B4GALT6: variants seen among roughly 807,000 people sequenced by gnomAD.
B4GALT6 encodes the protein UDP-Gal:beta-GlcNAc beta-1,4-galactosyltransferase 6.
Under a neutral mutation model 46.3 loss-of-function variants are expected in B4GALT6, and 14 were observed. The observed-to-expected ratio is 0.30, with a 90% CI of 0.20 to 0.47. B4GALT6 has a LOEUF of 0.47. Among genes scored for constraint, B4GALT6 ranks in the 20% least tolerant of loss-of-function variants. The probability of loss-of-function intolerance (pLI) is 0.99; values close to 1 mark genes in which losing one functional copy is unlikely to be tolerated. For missense variants in B4GALT6, 386 were observed against 480.1 expected (o/e 0.80, Z 1.83); for synonymous variants, 168 against 162.0 (o/e 1.04, Z -0.28).
At chr18:31,685,792 C>G (rs1257792188), upstream of B4GALT6, 4 of 152,340 alleles carry the variant, frequency 2.6e-5, no homozygotes, top group East Asian at 5.8e-4. Flanking sequence ...CCAAAATCCT[C>G]GAGGAACAAG....
intron 3 of B4GALT6, among the ~76,000 whole-genome samples, chr18:31,649,435 C>T (rs1257700859): frequency 1.3e-5 from 2 of 152,134 alleles, no homozygotes; most frequent in African/African-American, 4.8e-5. Flanking sequence ...TGCATTTCTA[C>T]TCCCTGGCTC....
intron 2 of B4GALT6, among the ~76,000 whole-genome samples, chr18:31,665,181 C>T (rs1306676373): frequency 2.0e-5 from 3 of 152,132 alleles, no homozygotes; most frequent in Non-Finnish European, 2.9e-5. Context: ...ATTACTAACA[C>T]AAATTAAATC....
chr18:31,661,349 A>C (rs1461963092), intron 2 of B4GALT6, among the ~76,000 whole-genome samples: 1 of 152,150 alleles, frequency 6.6e-6, no homozygotes, highest in Non-Finnish European at 1.5e-5. Flanking sequence ...ATACAGAATA[A>C]ATTGTTAGTT....
At chr18:31,629,467 T>TTA (rs1490139066) in intron 6 of B4GALT6, among the ~76,000 whole-genome samples, 6 of 136,696 alleles carry the variant, frequency 4.4e-5, no homozygotes, top group African/African-American at 1.7e-4. Context: ...TTTTTTTTTT[T>TTA]TTTTTTTTTT....
intron 5 of B4GALT6, 79 bp downstream of exon 5, chr18:31,638,565 C>A: frequency 8.4e-7 from 1 of 1,192,486 alleles, no homozygotes; most frequent in Non-Finnish European, 1.2e-6. Context: ...CCTTATTAAT[C>A]CTAAATATGT....
intron 3 of B4GALT6, 65 bp downstream of exon 3, chr18:31,657,911 T>G: frequency 7.8e-7 from 1 of 1,281,080 alleles, no homozygotes; most frequent in Non-Finnish European, 1.1e-6. Flanking sequence ...ACTCAAATCA[T>G]GTGGTTTTTA....
At chr18:31,638,951 G>C (rs555324779) in intron 4 of B4GALT6, among the ~76,000 whole-genome samples, 191 bp from the exon 5 acceptor site, 1 of 152,212 alleles carries the variant, frequency 6.6e-6, no homozygotes, top group African/African-American at 2.4e-5. Flanking sequence ...TTATAAAGCT[G>C]AGAGGTAGAA....
At position 31,629,897 on chromosome 18, in the gene B4GALT6, G is replaced by C. The variant is rs1431273947; in HGVS notation, c.776+1062C>G. ...GAGAACCAGATTGTGAACCTTGATG[G>C]CCTTCTTCAAGGTAACCCCATACTC... On this transcript the variant is annotated intron_variant, in intron 6 of 8. Transcript: ENST00000306851. Among the ~76,000 whole-genome samples the C allele has an allele frequency of 2.0e-5, 3 of 150,990 alleles. No homozygotes were observed. In the East Asian group the frequency reaches 5.8e-4, roughly 29 times the overall value.
chr18:31,635,402 G>T (rs1225339670), intron 5 of B4GALT6, among the ~76,000 whole-genome samples: 1 of 152,112 alleles, frequency 6.6e-6, no homozygotes, highest in East Asian at 1.9e-4. Flanking sequence ...ATTTCCACTT[G>T]TTAGGTAAAA....
chr18:31,724,545 G>C, the B4GALT6 span: 1 of 1,025,106 alleles, frequency 9.8e-7, no homozygotes, highest in South Asian at 3.8e-5. Flanking sequence ...GGAATCGACT[G>C]AGACTTTGGC....
chr18:31,626,591 T>C (rs1385420254), intron 7 of B4GALT6, among the ~76,000 whole-genome samples: 3 of 152,112 alleles, frequency 2.0e-5, no homozygotes, highest in African/African-American at 7.2e-5. Flanking sequence ...CCACCTCCTG[T>C]CGGATCAGCG....
At chr18:31,673,317 T>C (rs1184545613) in intron 1 of B4GALT6, among the ~76,000 whole-genome samples, 2 of 151,578 alleles carry the variant, frequency 1.3e-5, no homozygotes, top group African/African-American at 4.9e-5. Flanking sequence ...ATTGTGAGGA[T>C]GAGACATAAC....
intron 3 of B4GALT6, 46 bp downstream of exon 3, chr18:31,657,930 T>C (rs1264056006): frequency 2.7e-6 from 4 of 1,487,180 alleles, no homozygotes; most frequent in African/African-American, 1.4e-5. Context: ...TATGACTGTA[T>C]TGTAACACAA....
intron 5 of B4GALT6, 54 bp downstream of exon 5, chr18:31,638,590 T>A (rs980203655): frequency 3.7e-5 from 50 of 1,344,786 alleles, no homozygotes; most frequent in Non-Finnish European, 5.0e-5. Flanking sequence ...TCTAACCATA[T>A]CTAAGAGTTT....
chr18:31,632,314 G>A (rs369516740), intron 5 of B4GALT6, among the ~76,000 whole-genome samples: 1 of 152,100 alleles, frequency 6.6e-6, no homozygotes, highest in Non-Finnish European at 1.5e-5. Context: ...AGAAAAGGGA[G>A]TTAAATTATA....
chr18:31,719,358 A>C, the B4GALT6 span: 2 of 152,564 alleles, frequency 1.3e-5, no homozygotes, highest in Admixed American at 1.3e-4. Context: ...GAGGCAACTC[A>C]TCTGGCAACC....
chr18:31,673,984 T>C (rs2074387354), intron 1 of B4GALT6, among the ~76,000 whole-genome samples: 1 of 152,140 alleles, frequency 6.6e-6, no homozygotes, highest in South Asian at 2.1e-4. Flanking sequence ...GAGGCAGTGA[T>C]GTGGCCACCA....
intron 1 of B4GALT6, among the ~76,000 whole-genome samples, chr18:31,678,632 C>G (rs911477211): frequency 6.6e-6 from 1 of 152,222 alleles, no homozygotes; most frequent in Non-Finnish European, 1.5e-5. Context: ...TTCCTTCTCT[C>G]ATTTCACAGA....
the B4GALT6 span, among the ~76,000 whole-genome samples, chr18:31,711,430 C>T: frequency 6.6e-6 from 1 of 151,530 alleles, no homozygotes; most frequent in Non-Finnish European, 1.5e-5. Context: ...TCAAGTAGAC[C>T]CAGTGTCTCT....
Sources: allele counts gnomAD v4.1 joint callset (sites outside exome capture counted in the v4.1 genomes callset), GRCh38; gene constraint gnomAD v4.1.1; transcripts MANE v1.5; gene names NCBI Gene and HGNC (gene_info 2026-07-23, HGNC 2026-07-21).